PLA2G4E: variants seen among roughly 807,000 people sequenced by gnomAD.
The protein encoded by PLA2G4E is cytosolic phospholipase A2 epsilon.
A neutral mutation model predicts 109.1 loss-of-function variants in PLA2G4E; 84 were observed. The ratio of observed to expected loss-of-function variants is 0.77; its 90% CI spans 0.65 to 0.92. The LOEUF is 0.92. Ranked by LOEUF, PLA2G4E falls within the 40% of genes least tolerant of loss-of-function variation. The probability of loss-of-function intolerance (pLI) is 0.00; values close to 1 mark genes in which losing one functional copy is unlikely to be tolerated. For missense variants in PLA2G4E, 1,057 were observed against 1,076.6 expected, an observed-to-expected ratio of 0.98 and a Z score of 0.25; for synonymous variants, 469 against 436.1, an observed-to-expected ratio of 1.08 and a Z score of -0.94.
chr15:42,049,241 G>C (rs985075924), intron 1 of PLA2G4E, among the ~76,000 whole-genome samples: 1 of 152,302 alleles, frequency 6.6e-6, no homozygotes, highest in Admixed American at 6.5e-5. Context: ...TGTGACTCTG[G>C]GAAGTGCCAC....
At chr15:42,011,751 TA>T in intron 2 of PLA2G4E, among the ~76,000 whole-genome samples, 1 of 149,562 alleles carries the variant, frequency 6.7e-6, no homozygotes, top group African/African-American at 2.5e-5. Flanking sequence ...AAAATAAAAA[TA>T]AAAATAAAAA....
At chr15:41,981,973 G>T (rs1163105207) in exon 20 of PLA2G4E, 1 of 151,894 alleles carries the variant, frequency 6.6e-6, no homozygotes, top group Admixed American at 6.6e-5. Flanking sequence ...ATCACGGGGG[G>T]CGCCTGGGGA....
chr15:42,025,077 T>C (rs1266020133), intron 1 of PLA2G4E, among the ~76,000 whole-genome samples: 1 of 151,468 alleles, frequency 6.6e-6, no homozygotes, highest in African/African-American at 2.4e-5. Context: ...GCACCTGTAG[T>C]CCCAGCTACT....
chr15:42,025,252 A>G (rs1043724275), intron 1 of PLA2G4E, among the ~76,000 whole-genome samples: 5 of 152,036 alleles, frequency 3.3e-5, no homozygotes, highest in South Asian at 2.1e-4. Flanking sequence ...GGAAAGAAAC[A>G]TGAAAGGTGA....
chr15:41,989,582 G>T, intron 14 of PLA2G4E, 30 bp from the exon 15 acceptor site: 1 of 1,601,900 alleles, frequency 6.2e-7, no homozygotes, highest in Non-Finnish European at 8.5e-7. Context: ...ACGGGGGTCA[G>T]TCTCAGGCCA....
At chr15:42,016,358 C>T (rs969486195) in intron 1 of PLA2G4E, among the ~76,000 whole-genome samples, 8 of 148,450 alleles carry the variant, frequency 5.4e-5, no homozygotes, top group East Asian at 2.0e-4. Context: ...TCTTTGGAGA[C>T]GGAGCCTCAC....
intron 13 of PLA2G4E, 147 bp downstream of exon 13, chr15:41,992,590 C>T (rs1259918359): frequency 2.6e-6 from 2 of 755,920 alleles, no homozygotes; most frequent in African/African-American, 3.5e-5. Flanking sequence ...TAGAGTCCGA[C>T]ACCTTATCGG....
At chr15:42,041,705 A>G (rs922034980) in intron 1 of PLA2G4E, among the ~76,000 whole-genome samples, 2 of 151,756 alleles carry the variant, frequency 1.3e-5, no homozygotes, top group Non-Finnish European at 2.9e-5. Flanking sequence ...TATCAGAACC[A>G]CTCTTTCATG....
At chr15:42,026,435 G>A (rs2068693651) in intron 1 of PLA2G4E, among the ~76,000 whole-genome samples, 1 of 152,064 alleles carries the variant, frequency 6.6e-6, no homozygotes, top group African/African-American at 2.4e-5. Flanking sequence ...TTAACACAGG[G>A]AAAAGCCAGG....
intron 12 of PLA2G4E, among the ~76,000 whole-genome samples, chr15:41,994,079 T>A (rs1365867584): frequency 6.6e-6 from 1 of 152,202 alleles, no homozygotes; most frequent in Non-Finnish European, 1.5e-5. Context: ...GCATGGAGGT[T>A]AAGGATGTGG....
intron 1 of PLA2G4E, among the ~76,000 whole-genome samples, chr15:42,023,395 G>C (rs542383722): frequency 6.6e-6 from 1 of 151,448 alleles, no homozygotes; most frequent in South Asian, 2.1e-4. Context: ...CTTTATATTT[G>C]GACGTAGTCT....
chr15:41,990,044 G>A (rs28538627), intron 14 of PLA2G4E, 77 bp downstream of exon 14: 75,813 of 1,075,178 alleles, frequency 0.071, 3,977 homozygotes, highest in East Asian at 0.2. Context: ...TGGGGGACCT[G>A]GAGGTGCTGG....
rs371292839 is a variant in PLA2G4E, at chr15:42,000,637, C to T, written c.674-355G>A. On this transcript the variant is annotated intron_variant, in intron 7 of 19. Transcript: ENST00000399518. ...ACACTGTCGCTTTTGATGTAGACGC[C>T]TCTTCTGTCCTCCCTCCCTCCCTCA... 8.5e-5 allele frequency among the ~76,000 whole-genome samples: 13 copies of T among 152,340 alleles called. No homozygotes were observed. In the East Asian group the frequency reaches 2.3e-3, roughly 27 times the overall value.
At position 41,988,175 on chromosome 15, in the gene PLA2G4E, G is replaced by T; in HGVS notation, c.1724-19C>A. ...CACAGGCCTGGGAGCCAGGGCCAGC[G>T]TGAGCAGCTCCACCCTGCAGCCCCA... is the stretch of plus-strand genomic sequence containing the variant. On this transcript the variant is annotated intron_variant, in intron 15 of 19. Transcript: ENST00000399518. 1 of 1,552,614 alleles carries T rather than the reference G, an allele frequency of 6.4e-7. No individual in the cohort carries two copies. The highest frequency in any genetic ancestry group is 1.2e-5 in the South Asian group (1 of 85,806).
chr15:41,991,637 T>C (rs943924569), intron 13 of PLA2G4E, among the ~76,000 whole-genome samples: 1 of 152,136 alleles, frequency 6.6e-6, no homozygotes, highest in Non-Finnish European at 1.5e-5. Context: ...CTCAAGTAAT[T>C]TAATTGAAGG....
At chr15:42,007,619 A>C in intron 3 of PLA2G4E, 110 bp downstream of exon 3, 1 of 1,345,720 alleles carries the variant, frequency 7.4e-7, no homozygotes, top group South Asian at 1.4e-5. Flanking sequence ...AGAAGTAGGC[A>C]GAAAGGAAAA....
chr15:42,003,858 G>T (rs1167098160), intron 5 of PLA2G4E, among the ~76,000 whole-genome samples: 3 of 120,748 alleles, frequency 2.5e-5, no homozygotes, highest in Non-Finnish European at 4.0e-5. Flanking sequence ...TGAGGCGGGG[G>T]TTGCCTTTCT....
intron 1 of PLA2G4E, 125 bp from the exon 2 acceptor site, chr15:42,013,882 GTTTTTTTTTTT>G (rs10539531): frequency 1.7e-4 from 23 of 134,256 alleles, no homozygotes; most frequent in East Asian, 1.7e-3. Flanking sequence ...CCCTAGGCTG[GTTTTTTTTTTT>G]TTTTTTTTTT....
At chr15:42,048,924 A>G (rs72727727) in intron 1 of PLA2G4E, among the ~76,000 whole-genome samples, 11,351 of 152,312 alleles carry the variant, frequency 0.075, 422 homozygotes, top group South Asian at 0.13. Flanking sequence ...TGCCACTTCT[A>G]GGTGTGAGTC....
Sources: allele counts gnomAD v4.1 joint callset (sites outside exome capture counted in the v4.1 genomes callset), GRCh38; gene constraint gnomAD v4.1.1; transcripts MANE v1.5; gene names NCBI Gene and HGNC (gene_info 2026-07-23, HGNC 2026-07-21).